FAM81A: variants seen among roughly 807,000 people sequenced by gnomAD.
The protein encoded by FAM81A is protein FAM81A.
FAM81A carries 19 observed loss-of-function variants against 46.7 expected under a neutral mutation model. That is an observed-to-expected ratio of 0.41 (90% CI 0.28 to 0.60). The LOEUF (loss-of-function observed/expected upper bound fraction) is 0.60. FAM81A is among the 20% of genes least tolerant of loss of function. The pLI is 0.34. For missense variants in FAM81A, 377 were observed against 453.5 expected (o/e 0.83, Z 1.53); for synonymous variants, 183 against 152.9 (o/e 1.20, Z -1.45).
chr15:59,515,393 G>A (rs1300221896), intron 7 of FAM81A, among the ~76,000 whole-genome samples: 1 of 152,026 alleles, frequency 6.6e-6, no homozygotes, highest in Non-Finnish European at 1.5e-5. Context: ...CCTCTTGTTG[G>A]ATATTGATGA....
intron 1 of FAM81A, among the ~76,000 whole-genome samples, chr15:59,453,795 G>A (rs1464157412): frequency 2.0e-5 from 3 of 152,154 alleles, no homozygotes; most frequent in African/African-American, 7.2e-5. Context: ...AGCTGGAAGA[G>A]GGTAGGGAGG....
chr15:59,436,899 C>T (rs1369137884), upstream of FAM81A, among the ~76,000 whole-genome samples: 2 of 152,204 alleles, frequency 1.3e-5, no homozygotes, highest in African/African-American at 2.4e-5. Context: ...GATGAATGCT[C>T]GTCAGGCTCT....
Position 59,423,166 on chromosome 15 carries a change from C to T in FAM81A, c.-78+20808C>T, listed in dbSNP as rs376602264. 2.5e-3 allele frequency among the ~76,000 whole-genome samples: 376 copies of T among 152,244 alleles called. 2 individuals carry two copies. Among genetic ancestry groups the T allele is most frequent in the African/African-American group, 8.7e-3 (361 of 41,544 alleles). On this transcript the variant is annotated intron_variant, in intron 2 of 4. Coordinates refer to the FAM81A transcript ENST00000558348. Reference sequence around the variant, plus strand: ...AGGCTGGAGTGCAGTGGCGCGATCTCGGCTCACTGCAAGCTCCGCCTCCCA... The same window carrying T: ...AGGCTGGAGTGCAGTGGCGCGATCTTGGCTCACTGCAAGCTCCGCCTCCCA...
At chr15:59,422,502 A>C (rs1438441697) in intron 2 of FAM81A, among the ~76,000 whole-genome samples, 1 of 151,582 alleles carries the variant, frequency 6.6e-6, no homozygotes, top group East Asian at 1.9e-4. Flanking sequence ...TTTGAGGTGG[A>C]GTCTCGCTCT....
chr15:59,518,495 T>A (rs1306926590), intron 8 of FAM81A, among the ~76,000 whole-genome samples: 3 of 152,048 alleles, frequency 2.0e-5, no homozygotes, highest in African/African-American at 7.2e-5. Flanking sequence ...TTTTTTTATT[T>A]AAAAAATTTT....
chr15:59,434,992 C>T (rs561339818), upstream of FAM81A, among the ~76,000 whole-genome samples: 1 of 152,256 alleles, frequency 6.6e-6, no homozygotes, highest in African/African-American at 2.4e-5. Context: ...TGGAATAAAT[C>T]ACTTAAACAA....
chr15:59,473,226 G>C (rs1356254846), intron 3 of FAM81A, among the ~76,000 whole-genome samples: 1 of 152,104 alleles, frequency 6.6e-6, no homozygotes, highest in East Asian at 1.9e-4. Flanking sequence ...CCATGATCTG[G>C]AAATATTAAA....
At chr15:59,489,050 G>A (rs1165788267) in intron 3 of FAM81A, among the ~76,000 whole-genome samples, 1 of 152,134 alleles carries the variant, frequency 6.6e-6, no homozygotes, top group Non-Finnish European at 1.5e-5. Context: ...CGGATCACGA[G>A]GTCAGGAGAT....
In FAM81A at chr15:59,459,918, G is replaced by C; in HGVS notation, c.21-15G>C. 6.3e-7 allele frequency: 1 copy of C among 1,577,162 alleles called. No individual in the cohort carries two copies. Among genetic ancestry groups the C allele is most frequent in the Non-Finnish European group, 8.6e-7 (1 of 1,159,730 alleles). ...TTTTTTCCCAATTAACAACCCTCAT[G>C]GTTCCCTTCTGCAGGCGAGTGAGAA... On this transcript the variant is annotated splice_polypyrimidine_tract_variant and intron_variant, in intron 2 of 8. Coordinates refer to ENST00000288228, the MANE Select transcript of FAM81A (RefSeq NM_152450.3).
At position 59,516,701 on chromosome 15, in the gene FAM81A, C is replaced by G. The variant is rs1201490819; in HGVS notation, c.843C>G (p.Asp281Glu). 2 of 1,613,262 alleles carry G rather than the reference C, an allele frequency of 1.2e-6. No individual in the cohort carries two copies. Among genetic ancestry groups the G allele is most frequent in the Non-Finnish European group, 8.5e-7 (1 of 1,179,722 alleles). Residue 281 changes from aspartate (D) to glutamate (E), a missense_variant, in exon 8 of 9, where the codon GAC becomes GAG. Transcript: ENST00000288228. ...TCAGCCAGATGTCAGCCAGGCTTGA[C>G]AAAATAGAAGAGGGTCAAAAGAAGA... The part of the protein sequence containing the change: ...KKLSQMSARL[D>E]KIEEGQKKTF...
chr15:59,437,173 G>C (rs1405778811), upstream of FAM81A, among the ~76,000 whole-genome samples: 1 of 152,138 alleles, frequency 6.6e-6, no homozygotes, highest in Admixed American at 6.5e-5. Context: ...AATGCTGCCG[G>C]AGAGAGAATT....
chr15:59,476,419 C>G (rs2081768981), intron 3 of FAM81A, among the ~76,000 whole-genome samples: 1 of 152,002 alleles, frequency 6.6e-6, no homozygotes. Context: ...CACAAACATT[C>G]AGTCCGTAAC....
At chr15:59,401,227 A>C (rs2081068666) in intron 1 of FAM81A, 1 of 1,029,726 alleles carries the variant, frequency 9.7e-7, no homozygotes, top group African/African-American at 1.6e-5. Flanking sequence ...CTGTCGAACC[A>C]GTAAGACTGC....
In FAM81A at chr15:59,520,110, T is replaced by TA. The variant is rs71119481; in HGVS notation, c.983-1141dup. Among the ~76,000 whole-genome samples, 46 of 151,840 alleles carry TA rather than the reference T, an allele frequency of 3.0e-4. No individual in the cohort carries two copies. In the South Asian group the frequency reaches 3.3e-3, roughly 11 times the overall value. On this transcript the variant is annotated intron_variant, in intron 8 of 8. Coordinates refer to ENST00000288228, the MANE Select transcript of FAM81A (RefSeq NM_152450.3). ...GAGATTTTTTTGTGATTTTTTTTTT[T>TA]AAATCACTCATCAGCTATCATTAGT...
At chr15:59,436,113 GCTAA>G (rs1482880781), upstream of FAM81A, among the ~76,000 whole-genome samples, 3 of 152,238 alleles carry the variant, frequency 2.0e-5, no homozygotes, top group Admixed American at 1.3e-4. Flanking sequence ...TGTCTTATTT[GCTAA>G]CTGTTATGAT....
chr15:59,502,741 C>T (rs2082107887), intron 4 of FAM81A, among the ~76,000 whole-genome samples: 2 of 151,748 alleles, frequency 1.3e-5, no homozygotes, highest in Non-Finnish European at 2.9e-5. Flanking sequence ...AGGCTGGTCT[C>T]GAATTCCTGA....
At chr15:59,437,226 A>G (rs1386893632), upstream of FAM81A, among the ~76,000 whole-genome samples, 5 of 152,072 alleles carry the variant, frequency 3.3e-5, no homozygotes, top group Non-Finnish European at 7.4e-5. Context: ...CTCTTCTACC[A>G]TGTCGGGCTC....
At chr15:59,476,011 G>T (rs753688090) in intron 3 of FAM81A, among the ~76,000 whole-genome samples, 3 of 152,188 alleles carry the variant, frequency 2.0e-5, no homozygotes, top group Non-Finnish European at 4.4e-5. Context: ...AGATCAAAAT[G>T]CTGGTAGATC....
intron 2 of FAM81A, among the ~76,000 whole-genome samples, chr15:59,425,548 G>A (rs540621821): frequency 2.6e-5 from 4 of 152,030 alleles, no homozygotes; most frequent in African/African-American, 4.8e-5. Flanking sequence ...CAGAAAAATC[G>A]TACTTTAAAT....
Sources: allele counts gnomAD v4.1 joint callset (sites outside exome capture counted in the v4.1 genomes callset), GRCh38; gene constraint gnomAD v4.1.1; transcripts MANE v1.5; gene names NCBI Gene and HGNC (gene_info 2026-07-23, HGNC 2026-07-21).